The following MSR1 variants were observed in gnomAD, a reference collection of about 807,000 sequenced individuals.
The protein encoded by MSR1 is macrophage scavenger receptor 1, also known as macrophage scavenger receptor types I and II.
MSR1 carries 53 observed loss-of-function variants against 47.2 expected under a neutral mutation model. That is an observed-to-expected ratio of 1.12 (90% CI 0.90 to 1.41). The LOEUF (loss-of-function observed/expected upper bound fraction) is 1.41. Ranked by LOEUF, MSR1 falls within the 40% of genes most tolerant of loss-of-function variation. MSR1 has a pLI of 0.00. For synonymous variants in MSR1, 239 were observed against 185.6 expected (o/e 1.29, Z -2.34); for missense variants, 786 against 546.9 (o/e 1.44, Z -4.36).
chr8:16,168,253 C>G (rs747564581), intron 4 of MSR1, among the ~76,000 whole-genome samples: 1 of 152,042 alleles, frequency 6.6e-6, no homozygotes, highest in Non-Finnish European at 1.5e-5. Flanking sequence ...GAAAAATTTC[C>G]CCTTTTTCTA....
At chr8:16,147,217 T>C (rs751396009) in intron 7 of MSR1, among the ~76,000 whole-genome samples, 11 of 152,194 alleles carry the variant, frequency 7.2e-5, no homozygotes, top group Non-Finnish European at 5.9e-5. Flanking sequence ...GACTACTCTA[T>C]AGATCTGCTA....
At chr8:16,146,984 G>C (rs769851869) in intron 7 of MSR1, among the ~76,000 whole-genome samples, 1 of 152,100 alleles carries the variant, frequency 6.6e-6, no homozygotes, top group African/African-American at 2.4e-5. Flanking sequence ...TAATATTTTA[G>C]ATAATCCTGA....
At chr8:16,120,050 C>CT (rs1197463981) in intron 9 of MSR1, among the ~76,000 whole-genome samples, 1 of 151,862 alleles carries the variant, frequency 6.6e-6, no homozygotes, top group East Asian at 1.9e-4. Flanking sequence ...TATTCTCTGT[C>CT]TTTAGAGAAT....
At position 16,109,643 on chromosome 8, in the gene MSR1, C is replaced by CAT; in HGVS notation, c.*441_*442insAT. On this transcript the variant is annotated 3_prime_UTR_variant, in exon 10 of 10. Coordinates refer to ENST00000262101, the MANE Select transcript of MSR1 (RefSeq NM_138715.3). ...ATGTGTGGATTGGAGATTTTGCAAT[C>CAT]TAGGCACAAAAGATATCTTCTGATC... The CAT allele has an allele frequency of 5.7e-6, 1 of 174,100 alleles. No individual in the cohort carries two copies. The highest frequency in any genetic ancestry group is 1.3e-4 in the South Asian group (1 of 7,834). The allele number at this position is 174,100 out of a possible 1,614,324, so 10.8% of individuals were successfully genotyped here.
At chr8:16,184,344 T>C (rs1236820921) in intron 1 of MSR1, among the ~76,000 whole-genome samples, 3 of 152,110 alleles carry the variant, frequency 2.0e-5, no homozygotes, top group Non-Finnish European at 4.4e-5. Context: ...ATGTTTTAAT[T>C]TGATCTATTA....
At chr8:16,185,319 C>T (rs1585200255) in intron 1 of MSR1, among the ~76,000 whole-genome samples, 1 of 152,156 alleles carries the variant, frequency 6.6e-6, no homozygotes, top group East Asian at 1.9e-4. Context: ...CCAATATAGC[C>T]AAACCAGATC....
chr8:16,185,315 T>A (rs1298821080), intron 1 of MSR1, among the ~76,000 whole-genome samples: 1 of 152,162 alleles, frequency 6.6e-6, no homozygotes, highest in Non-Finnish European at 1.5e-5. Flanking sequence ...CAAGCCAATA[T>A]AGCCAAACCA....
rs1309287092 is a variant in MSR1 at position 16,139,666 on chromosome 8, G to C, written c.1033+3892C>G. On this transcript the variant is annotated intron_variant, in intron 8 of 9. Transcript: ENST00000262101. ...TGATCAAAATATTTTTGTTTGAAAT[G>C]ACCAGGTAATACATGAAAAGTTTTA... The C allele has an allele frequency of 5.2e-6, 5 of 970,324 alleles. No individual in the cohort carries two copies. In the African/African-American group the frequency reaches 9.1e-5, roughly 18 times the overall value. 60.1% of individuals were successfully genotyped at this position (970,324 alleles called of 1,614,324 possible). A position where few individuals can be genotyped will look rare whatever the true frequency, so the allele number is the denominator to read the frequency against.
intron 8 of MSR1, among the ~76,000 whole-genome samples, chr8:16,135,774 A>G (rs1800373870): frequency 6.6e-6 from 1 of 152,162 alleles, no homozygotes; most frequent in South Asian, 2.1e-4. Flanking sequence ...GAGAAGGTCA[A>G]AGTATTGAGG....
At chr8:16,126,888 G>A (rs1024336517) in intron 8 of MSR1, among the ~76,000 whole-genome samples, 1 of 152,082 alleles carries the variant, frequency 6.6e-6, no homozygotes, top group Admixed American at 6.5e-5. Context: ...TTACTTAATG[G>A]TTCTAAATCC....
intron 8 of MSR1, among the ~76,000 whole-genome samples, chr8:16,142,327 C>A (rs1345435104): frequency 6.6e-6 from 1 of 152,028 alleles, no homozygotes; most frequent in Non-Finnish European, 1.5e-5. Flanking sequence ...GAGACTCCAT[C>A]TCAAAACAAA....
At chr8:16,145,512 T>C (rs1182097752) in intron 7 of MSR1, among the ~76,000 whole-genome samples, 1 of 152,132 alleles carries the variant, frequency 6.6e-6, no homozygotes, top group African/African-American at 2.4e-5. Flanking sequence ...TTAGAAGTCT[T>C]TTCACACAGC....
intron 8 of MSR1, among the ~76,000 whole-genome samples, chr8:16,135,184 C>T (rs1374044064): frequency 2.6e-5 from 4 of 152,098 alleles, no homozygotes; most frequent in African/African-American, 7.2e-5. Context: ...GAAAAAGATG[C>T]CATCTATAAC....
rs184309819 is a variant in MSR1, at chr8:16,189,718, T to A, written c.-5+2880A>T. Among the ~76,000 whole-genome samples, 218 of 59,470 alleles carry A rather than the reference T, an allele frequency of 3.7e-3. No homozygotes were observed. The East Asian group carries it at 0.13, about 36-fold the overall frequency. 39.0% of individuals were successfully genotyped at this position (59,470 alleles called of 152,430 possible). On this transcript the variant is annotated intron_variant, in intron 1 of 9. Transcript: ENST00000262101. The stretch of plus-strand genomic sequence containing the variant: ...TTTTATATATATATAAAATCTTATT[T>A]TATATATATTTTATATATATATAAA...
intron 6 of MSR1, among the ~76,000 whole-genome samples, chr8:16,154,818 T>TTTA (rs1800955422): frequency 6.6e-6 from 1 of 152,050 alleles, no homozygotes; most frequent in African/African-American, 2.4e-5. Context: ...GGTTAAAGCA[T>TTTA]TTATTTTCTT....
chr8:16,157,393 C>T (rs1801041065), intron 5 of MSR1, among the ~76,000 whole-genome samples: 1 of 151,798 alleles, frequency 6.6e-6, no homozygotes. Flanking sequence ...AGTTAAAGAT[C>T]CCTCTCTGTA....
At chr8:16,150,108 A>G (rs76672020) in intron 7 of MSR1, 123 bp downstream of exon 7, 14,982 of 218,918 alleles carry the variant, frequency 0.068, 754 homozygotes, top group Admixed American at 0.19. Context: ...TACTACATAT[A>G]TAACATTATG....
At chr8:16,126,298 G>C (rs1800126795) in intron 8 of MSR1, among the ~76,000 whole-genome samples, 1 of 152,236 alleles carries the variant, frequency 6.6e-6, no homozygotes, top group South Asian at 2.1e-4. Context: ...TCAGTGGAAA[G>C]AAATAATCGA....
At chr8:16,159,953 C>T (rs1801117347) in intron 5 of MSR1, among the ~76,000 whole-genome samples, 1 of 151,892 alleles carries the variant, frequency 6.6e-6, no homozygotes, top group Non-Finnish European at 1.5e-5. Context: ...AGGCAGGATG[C>T]ACAAAGTACT....
Sources: gnomAD v4.1 joint callset for allele counts (sites outside exome capture counted in the v4.1 genomes callset) on GRCh38, gnomAD v4.1.1 for gene constraint, MANE v1.5 for transcripts, NCBI Gene and HGNC (gene_info 2026-07-23, HGNC 2026-07-21) for gene names.